The following SLC34A1 variants were observed in gnomAD, a reference collection of about 807,000 sequenced individuals.
SLC34A1 encodes the protein sodium-dependent phosphate transport protein 2A.
A neutral mutation model predicts 51.4 loss-of-function variants in SLC34A1; 57 were observed. That is an observed-to-expected ratio of 1.11 (90% CI 0.90 to 1.38). The LOEUF is 1.38. SLC34A1 is among the 40% of genes most tolerant of loss of function. SLC34A1 has a pLI of 0.00. For missense variants in SLC34A1, 796 were observed against 835.6 expected, an observed-to-expected ratio of 0.95 and a Z score of 0.58; for synonymous variants, 368 against 358.0, an observed-to-expected ratio of 1.03 and a Z score of -0.32.
intron 1 of SLC34A1, 48 bp from the exon 2 acceptor site, chr5:177,385,647 T>G: frequency 1.1e-6 from 1 of 869,864 alleles, no homozygotes; most frequent in Non-Finnish European, 1.9e-6. Context: ...TTTGTGCAGG[T>G]GAGGGTGTGT....
At chr5:177,397,208 C>T in intron 12 of SLC34A1, 134 bp downstream of exon 12, 1 of 1,192,544 alleles carries the variant, frequency 8.4e-7, no homozygotes, top group East Asian at 2.6e-5. Context: ...TCAATGAAAC[C>T]ATTATGGGCA....
At chr5:177,393,231 A>C (rs1762861569) in intron 8 of SLC34A1, among the ~76,000 whole-genome samples, 1 of 152,084 alleles carries the variant, frequency 6.6e-6, no homozygotes, top group Non-Finnish European at 1.5e-5. Flanking sequence ...ACACCCCCTG[A>C]GGATAAGGAA....
intron 8 of SLC34A1, chr5:177,389,705 T>C: frequency 3.3e-6 from 5 of 1,537,272 alleles, no homozygotes; most frequent in Non-Finnish European, 4.4e-6. Context: ...GGAAGACAGC[T>C]CTGTTCCTCA....
Position 177,386,044 on chromosome 5 carries a change from C to T in SLC34A1, c.167C>T (p.Ala56Val), listed in dbSNP as rs760413039. The change falls in exon 3 of 13, where the codon GCC becomes GTC. Residue 56 changes from alanine to valine, a missense_variant. By Grantham distance (64) the Ala-to-Val change is moderately conservative. Coordinates refer to ENST00000324417, the MANE Select transcript of SLC34A1 (RefSeq NM_003052.5). The surrounding 1 kb of genome is among the most constrained non-coding windows in gnomAD (Gnocchi z 4.8). ...AYAFPSLGPVALAEHTCPCGE... is the reference protein window; with the variant it reads ...AYAFPSLGPVVLAEHTCPCGE... ...GCCTTCCCCAGCCTGGGCCCTGTGG[C>T]CCTTGCTGAGCACACCTGCCCCTGT... 4 of 1,609,516 alleles carry T rather than the reference C, an allele frequency of 2.5e-6. No individual in the cohort carries two copies. The Admixed American group carries it at 6.7e-5, about 27-fold the overall frequency.
At chr5:177,392,059 G>C (rs1184326287) in intron 8 of SLC34A1, among the ~76,000 whole-genome samples, 1 of 152,134 alleles carries the variant, frequency 6.6e-6, no homozygotes, top group East Asian at 1.9e-4. Flanking sequence ...GTCTTGATGG[G>C]TCCCCAAGGC....
At position 177,387,017 on chromosome 5, in the gene SLC34A1, C is replaced by T. The variant is rs547751132; in HGVS notation, c.532+451C>T. ...ATCTACAAAACACCTTACAGAACAC[C>T]CAGGCTAGTGTTGGGTTGAATAACT... On this transcript the variant is annotated intron_variant, in intron 5 of 12. Coordinates refer to ENST00000324417, the MANE Select transcript of SLC34A1 (RefSeq NM_003052.5). Among the ~76,000 whole-genome samples, 14 of 152,052 alleles carry T rather than the reference C, an allele frequency of 9.2e-5. No individual in the cohort carries two copies. The South Asian group carries it at 2.9e-3, about 32-fold the overall frequency.
chr5:177,398,448 T>C lies in SLC34A1; in HGVS notation c.*162T>C. 1.2e-6 allele frequency: 1 copy of C among 813,434 alleles called. No homozygotes were observed. Among genetic ancestry groups the C allele is most frequent in the South Asian group, 1.4e-5 (1 of 70,360 alleles). The allele number at this position is 813,434 out of a possible 1,614,324, so 50.4% of individuals were successfully genotyped here. ...CTGGGCTTGTGTGAGAGTGTCGGTG[T>C]GTGTGCATGTGTGGGGGTGAGTCTG... On this transcript the variant is annotated 3_prime_UTR_variant, in exon 13 of 13. Transcript: ENST00000324417. The surrounding 1 kb of genome is among the most constrained non-coding windows in gnomAD (Gnocchi z 4.7).
Position 177,396,990 on chromosome 5 carries a change from A to C in SLC34A1, c.1332A>C (p.Thr444=). ...VISIERAYPL[T]LGSNIGTTTT... ...GCATTGAGAGGGCCTACCCGCTCAC[A>C]CTGGGTTCCAACATCGGCACCACCA... The change falls in exon 12 of 13, where the codon ACA becomes ACC. Residue 444 remains threonine (T), a synonymous_variant. Coordinates refer to ENST00000324417, the MANE Select transcript of SLC34A1 (RefSeq NM_003052.5). The surrounding 1 kb of genome is among the most constrained non-coding windows in gnomAD (Gnocchi z 4.0). 1 of 1,614,118 alleles carries C rather than the reference A, an allele frequency of 6.2e-7. No homozygotes were observed. The highest frequency in any genetic ancestry group is 8.5e-7 in the Non-Finnish European group (1 of 1,180,004).
In SLC34A1 at chr5:177,398,482, C is replaced by T. The variant is rs1182223345; in HGVS notation, c.*196C>T. 5.9e-5 allele frequency: 40 copies of T among 682,634 alleles called. No individual in the cohort carries two copies. The South Asian group carries it at 6.1e-4, about 10-fold the overall frequency. 42.3% of individuals were successfully genotyped at this position (682,634 alleles called of 1,614,324 possible). The stretch of plus-strand genomic sequence containing the variant: ...GTGTGGGGGTGAGTCTGCATGTGCA[C>T]CTGTCATGTGTAGAAGCTTGTATTT... On this transcript the variant is annotated 3_prime_UTR_variant, in exon 13 of 13. Transcript: ENST00000324417. The surrounding 1 kb of genome is among the most constrained non-coding windows in gnomAD (Gnocchi z 4.7).
chr5:177,398,460 TG>T lies in SLC34A1; in HGVS notation c.*179del. ...GAGAGTGTCGGTGTGTGTGCATGTGTGGGGGTGAGTCTGCATGTGCACCTGT... is the reference window on the plus strand; with the variant it reads ...GAGAGTGTCGGTGTGTGTGCATGTGTGGGGTGAGTCTGCATGTGCACCTGT... On this transcript the variant is annotated 3_prime_UTR_variant, in exon 13 of 13. Coordinates refer to ENST00000324417, the MANE Select transcript of SLC34A1 (RefSeq NM_003052.5). This position sits in a 1 kb window ranked among gnomAD's most constrained non-coding sequence, Gnocchi z 4.7. The T allele has an allele frequency of 1.3e-6, 1 of 768,700 alleles. No individual in the cohort carries two copies. The highest frequency in any genetic ancestry group is 2.3e-6 in the Non-Finnish European group (1 of 444,010). The allele number at this position is 768,700 out of a possible 1,614,324, so 47.6% of individuals were successfully genotyped here.
At chr5:177,385,567 GT>G in intron 1 of SLC34A1, 127 bp from the exon 2 acceptor site, 2 of 597,952 alleles carry the variant, frequency 3.3e-6, no homozygotes, top group Non-Finnish European at 6.2e-6. Flanking sequence ...TCTCGGAGGG[GT>G]GTGTGTGTGT....
Position 177,390,112 on chromosome 5 carries a change from C to T in SLC34A1, c.936+1740C>T, listed in dbSNP as rs144273167. 3.4e-3 allele frequency: 3,702 copies of T among 1,087,658 alleles called. 84 individuals carry two copies. The African/African-American group carries it at 0.056, about 16-fold the overall frequency. The allele number at this position is 1,087,658 out of a possible 1,614,324, so 67.4% of individuals were successfully genotyped here. A position where few individuals can be genotyped will look rare whatever the true frequency, so the allele number is the denominator to read the frequency against. On this transcript the variant is annotated intron_variant, in intron 8 of 12. Coordinates refer to ENST00000324417, the MANE Select transcript of SLC34A1 (RefSeq NM_003052.5). ...CCAAAGACGGGCCACAGAGTCTCCC[C>T]GTGCTCCCTTCCAACCTGTTCCCAT...
chr5:177,397,861 C>A lies in SLC34A1; in HGVS notation c.1495C>A (p.Arg499Ser). 2 of 1,613,870 alleles carry A rather than the reference C, an allele frequency of 1.2e-6. No homozygotes were observed. Among genetic ancestry groups the A allele is most frequent in the Non-Finnish European group, 1.7e-6 (2 of 1,180,014 alleles). ...GGTGCCCTGCACACGCCTGCCCATCCGCATGGCCAAGGCGCTGGGGAAACG... is the reference window on the plus strand; with the variant it reads ...GGTGCCCTGCACACGCCTGCCCATCAGCATGGCCAAGGCGCTGGGGAAACG... ...YPVPCTRLPIRMAKALGKRTA... is the reference protein window; with the variant it reads ...YPVPCTRLPISMAKALGKRTA... The change falls in exon 13 of 13, where the codon CGC (arginine) becomes AGC (serine). Residue 499 changes from arginine to serine, a missense_variant. By Grantham distance (110) the Arg-to-Ser change is moderately radical (BLOSUM62 -1). Coordinates refer to ENST00000324417, the MANE Select transcript of SLC34A1 (RefSeq NM_003052.5).
At position 177,398,286 on chromosome 5, in the gene SLC34A1, G is replaced by A. The variant is rs1369376669; in HGVS notation, c.1920G>A (p.Ter640=). ...CTCACCACAATGCCACCCGCCTCTA[G>A]GCTGTGGGCCCAGACTACAGCCTGG... ...LPAHHNATRL[*] The change falls in exon 13 of 13, where the codon TAG becomes TAA. Residue 640 remains the stop codon, a stop_retained_variant. Transcript: ENST00000324417. This position sits in a 1 kb window ranked among gnomAD's most constrained non-coding sequence, Gnocchi z 4.7. 1.3e-6 allele frequency: 2 copies of A among 1,599,454 alleles called. No homozygotes were observed. The highest frequency in any genetic ancestry group is 1.7e-6 in the Non-Finnish European group (2 of 1,179,948).
intron 8 of SLC34A1, among the ~76,000 whole-genome samples, chr5:177,392,608 G>A (rs911505108): frequency 3.9e-5 from 6 of 152,156 alleles, no homozygotes; most frequent in African/African-American, 1.4e-4. Context: ...TTACAGATTG[G>A]GAGTTTGTTG....
intron 5 of SLC34A1, among the ~76,000 whole-genome samples, chr5:177,387,187 G>A (rs569776646): frequency 2.8e-4 from 42 of 151,494 alleles, no homozygotes; most frequent in Non-Finnish European, 5.6e-4. Context: ...TGGCTAACAC[G>A]GTGAAACCCT....
intron 1 of SLC34A1, among the ~76,000 whole-genome samples, chr5:177,385,024 G>T (rs73336282): frequency 6.6e-6 from 1 of 152,206 alleles, no homozygotes; most frequent in East Asian, 1.9e-4. Context: ...GGGGACAAGG[G>T]GGGGCTGAGG....
chr5:177,388,401 A>C lies in SLC34A1; in HGVS notation c.936+29A>C. Reference sequence around the variant, plus strand: ...AGTCCCAGGCCTAACCCCAGGTAAGAGGACTCCCTCTTCAGACTCTTGGTT... The same window carrying C: ...AGTCCCAGGCCTAACCCCAGGTAAGCGGACTCCCTCTTCAGACTCTTGGTT... On this transcript the variant is annotated intron_variant, in intron 8 of 12. Coordinates refer to ENST00000324417, the MANE Select transcript of SLC34A1 (RefSeq NM_003052.5). This position sits in a 1 kb window ranked among gnomAD's most constrained non-coding sequence, Gnocchi z 4.3. The C allele has an allele frequency of 6.5e-7, 1 of 1,549,408 alleles. No homozygotes were observed. Among genetic ancestry groups the C allele is most frequent in the Non-Finnish European group, 8.9e-7 (1 of 1,121,302 alleles).
chr5:177,386,906 C>T lies in SLC34A1; in HGVS notation c.532+340C>T, dbSNP rs867936856. 2.6e-5 allele frequency among the ~76,000 whole-genome samples: 4 copies of T among 151,926 alleles called. No individual in the cohort carries two copies. The highest frequency in any genetic ancestry group is 4.4e-5 in the Non-Finnish European group (3 of 67,978). ...AGGGAAGCCTCAGTTCTGCTTGAGG[C>T]CTTTCATTCTATTGGATTAGGCTGA... On this transcript the variant is annotated intron_variant, in intron 5 of 12. Transcript: ENST00000324417. This position sits in a 1 kb window ranked among gnomAD's most constrained non-coding sequence, Gnocchi z 4.8.
Sources: gnomAD v4.1 joint callset for allele counts (sites outside exome capture counted in the v4.1 genomes callset) on GRCh38, gnomAD v4.1.1 for gene constraint, Gnocchi (gnomAD v3.1) non-coding constraint, MANE v1.5 for transcripts, NCBI Gene and HGNC (gene_info 2026-07-23, HGNC 2026-07-21) for gene names.